The following KIF15 variants were observed in gnomAD, a reference collection of about 807,000 sequenced individuals.
KIF15 encodes the protein kinesin-like protein KIF15.
Under a neutral mutation model 190.6 loss-of-function variants are expected in KIF15, and 140 were observed. That is an observed-to-expected ratio of 0.73 (90% CI 0.64 to 0.84). The LOEUF (loss-of-function observed/expected upper bound fraction) is 0.84. KIF15 is among the 40% of genes least tolerant of loss of function. The pLI is 0.00. For missense variants in KIF15, 1,372 were observed against 1,584.4 expected (o/e 0.87, Z 2.28); for synonymous variants, 528 against 551.3 (o/e 0.96, Z 0.59).
intron 6 of KIF15, among the ~76,000 whole-genome samples, chr3:44,860,720 G>T (rs1559601047): frequency 6.6e-6 from 1 of 152,134 alleles, no homozygotes; most frequent in Non-Finnish European, 1.5e-5. Context: ...GAGAGAAGCA[G>T]CATGGTGTGG....
intron 29 of KIF15, 67 bp downstream of exon 29, chr3:44,841,305 A>G: frequency 9.1e-6 from 12 of 1,325,492 alleles, no homozygotes; most frequent in Non-Finnish European, 1.2e-5. Flanking sequence ...TATGTTGCCC[A>G]GGCTGGGCTC....
intron 20 of KIF15, among the ~76,000 whole-genome samples, chr3:44,823,071 TGGA>T (rs1402078185): frequency 6.6e-6 from 1 of 152,204 alleles, no homozygotes; most frequent in African/African-American, 2.4e-5. Flanking sequence ...TACAATCCTT[TGGA>T]GGAGAAGAGG....
intron 32 of KIF15, among the ~76,000 whole-genome samples, chr3:44,849,045 G>A (rs1481980261): frequency 1.3e-5 from 2 of 152,134 alleles, no homozygotes; most frequent in African/African-American, 4.8e-5. Flanking sequence ...GATGAGCAAG[G>A]TGTACTATAT....
At chr3:44,802,721 G>T in intron 13 of KIF15, 93 bp from the exon 14 acceptor site, 1 of 1,269,260 alleles carries the variant, frequency 7.9e-7, no homozygotes. Context: ...TAGTGCATGT[G>T]CATACCTAGT....
chr3:44,838,964 C>T (rs1247782878), intron 27 of KIF15, among the ~76,000 whole-genome samples: 1 of 152,136 alleles, frequency 6.6e-6, no homozygotes, highest in Non-Finnish European at 1.5e-5. Context: ...TGACTTTTAT[C>T]ATATTTTTGG....
intron 30 of KIF15, among the ~76,000 whole-genome samples, chr3:44,844,998 A>G (rs931279097): frequency 6.6e-6 from 1 of 152,248 alleles, no homozygotes; most frequent in Non-Finnish European, 1.5e-5. Context: ...ACTGAAGAAC[A>G]TCACCTAAGA....
chr3:44,851,187 G>A (rs548280504), intron 32 of KIF15, among the ~76,000 whole-genome samples: 1 of 152,192 alleles, frequency 6.6e-6, no homozygotes. Flanking sequence ...GATTGCTTGA[G>A]CCTAGGAGTT....
chr3:44,778,021 T>C, intron 3 of KIF15, 94 bp from the exon 4 acceptor site: 1 of 953,008 alleles, frequency 1.0e-6, no homozygotes, highest in Non-Finnish European at 1.7e-6. Flanking sequence ...TCCATGTTAT[T>C]ACTAAGCAAT....
At chr3:44,835,754 A>G (rs1698279465) in intron 26 of KIF15, among the ~76,000 whole-genome samples, 1 of 152,234 alleles carries the variant, frequency 6.6e-6, no homozygotes, top group Admixed American at 6.5e-5. Flanking sequence ...AATTTAGTGT[A>G]ATGGTAAAGG....
rs150151366 is a variant in KIF15 at position 44,808,731 on chromosome 3, G to A, written c.1972-2115G>A. ...GCCTCATTTGGATGTGAGGCTCAAGGAATATGAGCCTCATACCAGTTAACG... is the reference window on the plus strand; with the variant it reads ...GCCTCATTTGGATGTGAGGCTCAAGAAATATGAGCCTCATACCAGTTAACG... On this transcript the variant is annotated intron_variant, in intron 16 of 34. Transcript: ENST00000326047. Among the ~76,000 whole-genome samples, 14 of 152,050 alleles carry A rather than the reference G, an allele frequency of 9.2e-5. No homozygotes were observed. The East Asian group carries it at 2.7e-3, about 30-fold the overall frequency.
intron 20 of KIF15, among the ~76,000 whole-genome samples, chr3:44,819,837 C>T (rs1708185041): frequency 1.3e-5 from 2 of 152,146 alleles, no homozygotes; most frequent in African/African-American, 4.8e-5. Context: ...CTAATATTGA[C>T]AGTGGGGTGT....
rs1482696426 is a variant in KIF15, at chr3:44,773,339, C to G, written c.20-1056C>G. On this transcript the variant is annotated intron_variant, in intron 1 of 34. Coordinates refer to ENST00000326047, the MANE Select transcript of KIF15 (RefSeq NM_020242.3). ...GCTTGAACCTAGCTGGGCCCCTTGG[C>G]TAGGGGAGGGGAGGACTCTGTGGGC... 4.6e-5 allele frequency among the ~76,000 whole-genome samples: 7 copies of G among 152,240 alleles called. No individual in the cohort carries two copies. In the East Asian group the frequency reaches 1.4e-3, roughly 29 times the overall value.
In KIF15 at chr3:44,848,043, G is replaced by C; in HGVS notation, c.3754G>C (p.Glu1252Gln). ...LKNEQEESIK[E>Q]RLAKSKIVEE... ...GAATGAACAAGAAGAAAGTATCAAA[G>C]AAAGACTTGCAAAAGTAAGATTTTT... The change falls in exon 31 of 35, where the codon GAA becomes CAA. Residue 1252 changes from glutamate to glutamine, a missense_variant. Glu to Gln is a conservative substitution (Grantham distance 29). Transcript: ENST00000326047. 6.2e-7 allele frequency: 1 copy of C among 1,607,110 alleles called. No individual in the cohort carries two copies. Among genetic ancestry groups the C allele is most frequent in the Non-Finnish European group, 8.5e-7 (1 of 1,174,970 alleles).
intron 30 of KIF15, among the ~76,000 whole-genome samples, chr3:44,843,634 A>G (rs1488530781): frequency 6.6e-6 from 1 of 152,194 alleles, no homozygotes; most frequent in East Asian, 1.9e-4. Flanking sequence ...GCAGGACAAG[A>G]AGGATATCCT....
At chr3:44,763,231 G>A (rs1705223383) in intron 1 of KIF15, among the ~76,000 whole-genome samples, 1 of 152,314 alleles carries the variant, frequency 6.6e-6, no homozygotes, top group South Asian at 2.1e-4. Context: ...CATGAAGTGG[G>A]AACACATGGG....
At chr3:44,854,545 A>T (rs566352342), downstream of KIF15, among the ~76,000 whole-genome samples, 5 of 152,328 alleles carry the variant, frequency 3.3e-5, no homozygotes, top group African/African-American at 9.6e-5. Context: ...TAGCGAGCAG[A>T]CACTGCAACT....
At chr3:44,802,205 G>T (rs760973200) in intron 13 of KIF15, among the ~76,000 whole-genome samples, 4 of 152,182 alleles carry the variant, frequency 2.6e-5, no homozygotes, top group Non-Finnish European at 4.4e-5. Context: ...ACTCTAGCAG[G>T]CCACGCAGAA....
intron 7 of KIF15, among the ~76,000 whole-genome samples, chr3:44,787,165 G>A (rs531549459): frequency 6.6e-6 from 1 of 152,256 alleles, no homozygotes; most frequent in Non-Finnish European, 1.5e-5. Flanking sequence ...AAAGACCCTG[G>A]TATCACCAGT....
chr3:44,830,111 C>A, intron 25 of KIF15, 36 bp downstream of exon 25: 3 of 1,144,802 alleles, frequency 2.6e-6, no homozygotes, highest in Non-Finnish European at 3.7e-6. Context: ...TAAATTTGAG[C>A]ATGGGACACT....
Sources: gnomAD v4.1 joint callset for allele counts (sites outside exome capture counted in the v4.1 genomes callset) on GRCh38, gnomAD v4.1.1 for gene constraint, MANE v1.5 for transcripts, NCBI Gene and HGNC (gene_info 2026-07-23, HGNC 2026-07-21) for gene names.